NRXN3: variants seen among roughly 807,000 people sequenced by gnomAD.
NRXN3 encodes the protein neurexin 3, also known as neurexin III.
A neutral mutation model predicts 137.6 loss-of-function variants in NRXN3; 32 were observed. That is an observed-to-expected ratio of 0.23 (90% CI 0.18 to 0.31). The LOEUF is 0.31. Among genes scored for constraint, NRXN3 ranks in the 10% least tolerant of loss-of-function variants. NRXN3 has a pLI of 1.00. For synonymous variants in NRXN3, 798 were observed against 784.5 expected, an observed-to-expected ratio of 1.02 and a Z score of -0.29; for missense variants, 1,574 against 2,062.5, an observed-to-expected ratio of 0.76 and a Z score of 4.59.
chr14:79,447,589 C>T (rs1259102470), intron 15 of NRXN3, among the ~76,000 whole-genome samples: 1 of 152,218 alleles, frequency 6.6e-6, no homozygotes, highest in Non-Finnish European at 1.5e-5. Context: ...TAGGAAGGAC[C>T]TGCCAACATC....
At chr14:78,621,681 G>A (rs552445806) in intron 4 of NRXN3, among the ~76,000 whole-genome samples, 1 of 152,222 alleles carries the variant, frequency 6.6e-6, no homozygotes, top group South Asian at 2.1e-4. Flanking sequence ...CCATTAAATT[G>A]TACATAAGTA....
intron 6 of NRXN3, among the ~76,000 whole-genome samples, chr14:78,686,352 G>A (rs896159748): frequency 6.6e-6 from 1 of 152,062 alleles, no homozygotes; most frequent in Non-Finnish European, 1.5e-5. Context: ...GTTCTTTATT[G>A]GAACAAAAGA....
chr14:79,258,108 C>T (rs1295620825), intron 15 of NRXN3, among the ~76,000 whole-genome samples: 1 of 152,126 alleles, frequency 6.6e-6, no homozygotes, highest in Non-Finnish European at 1.5e-5. Context: ...AGAATTTCCC[C>T]ACCAGTTCAA....
chr14:78,243,545 G>A lies in NRXN3; in HGVS notation c.452G>A (p.Gly151Glu). ...GTGGTCAGTGACTTGTTCCTTGGTGGAGTCCCTACTGACATACGACCTTCT... is the reference window on the plus strand; with the variant it reads ...GTGGTCAGTGACTTGTTCCTTGGTGAAGTCCCTACTGACATACGACCTTCT... ...MDVVSDLFLG[G>E]VPTDIRPSAL... The change falls in exon 2 of 21, where the codon GGA becomes GAA. Residue 151 changes from glycine (G) to glutamate (E), a missense_variant. Physicochemically the swap from Gly to Glu is moderately conservative, Grantham distance 98 (BLOSUM62 -2). Coordinates refer to ENST00000335750, the MANE Select transcript of NRXN3 (RefSeq NM_001330195.2). This position sits in a 1 kb window ranked among gnomAD's most constrained non-coding sequence, Gnocchi z 4.2. 1 of 1,597,840 alleles carries A rather than the reference G, an allele frequency of 6.3e-7. No homozygotes were observed. The highest frequency in any genetic ancestry group is 8.5e-7 in the Non-Finnish European group (1 of 1,179,522).
At chr14:79,699,503 A>G (rs2098747009) in intron 19 of NRXN3, among the ~76,000 whole-genome samples, 1 of 151,990 alleles carries the variant, frequency 6.6e-6, no homozygotes, top group African/African-American at 2.4e-5. Context: ...AGATGATTTA[A>G]TGTTACACGG....
intron 6 of NRXN3, among the ~76,000 whole-genome samples, chr14:78,694,178 C>T (rs1047132730): frequency 2.0e-5 from 3 of 151,958 alleles, no homozygotes; most frequent in African/African-American, 4.8e-5. Flanking sequence ...CTTTATCATG[C>T]AAATTGCTCA....
intron 4 of NRXN3, among the ~76,000 whole-genome samples, chr14:78,532,480 TTCA>T (rs2096481519): frequency 6.6e-6 from 1 of 151,690 alleles, no homozygotes; most frequent in Non-Finnish European, 1.5e-5. Context: ...TTTCCTTTTC[TTCA>T]GGTTTAGAGA....
At chr14:79,577,343 G>C (rs2097675048) in intron 16 of NRXN3, among the ~76,000 whole-genome samples, 2 of 152,118 alleles carry the variant, frequency 1.3e-5, no homozygotes, top group Non-Finnish European at 2.9e-5. Flanking sequence ...ACAATCTTTA[G>C]TATAATTAAG....
chr14:79,403,143 A>G (rs962041709), intron 15 of NRXN3, among the ~76,000 whole-genome samples: 4 of 152,122 alleles, frequency 2.6e-5, no homozygotes, highest in East Asian at 1.9e-4. Context: ...AGAGGCTCTA[A>G]TATCTGTCCC....
At chr14:79,244,288 A>T (rs2153354898) in intron 15 of NRXN3, among the ~76,000 whole-genome samples, 1 of 152,204 alleles carries the variant, frequency 6.6e-6, no homozygotes, top group East Asian at 1.9e-4. Flanking sequence ...ATGCTCCCTG[A>T]CATCTAAAAT....
At chr14:78,987,556 A>G (rs988650798) in intron 14 of NRXN3, among the ~76,000 whole-genome samples, 1 of 152,090 alleles carries the variant, frequency 6.6e-6, no homozygotes, top group African/African-American at 2.4e-5. Flanking sequence ...CATCATTATC[A>G]ATATCATTAA....
intron 10 of NRXN3, among the ~76,000 whole-genome samples, chr14:78,948,628 CTTTTTTTTT>C (rs201010514): frequency 0.04 from 4,346 of 108,870 alleles, 195 homozygotes; most frequent in African/African-American, 0.12. Flanking sequence ...ACACATTTAA[CTTTTTTTTT>C]TTTTTTTTTT....
intron 15 of NRXN3, among the ~76,000 whole-genome samples, chr14:79,169,561 G>A (rs946449316): frequency 2.6e-5 from 4 of 151,868 alleles, no homozygotes; most frequent in African/African-American, 4.8e-5. Flanking sequence ...TCTCACCTAG[G>A]TCCAGGCATG....
At chr14:79,326,309 G>A (rs1411656631) in intron 15 of NRXN3, among the ~76,000 whole-genome samples, 1 of 152,090 alleles carries the variant, frequency 6.6e-6, no homozygotes, top group African/African-American at 2.4e-5. Context: ...TGCTTACTGG[G>A]TGCCAACAAT....
intron 8 of NRXN3, among the ~76,000 whole-genome samples, chr14:78,791,039 T>G (rs1471305951): frequency 6.6e-6 from 1 of 152,206 alleles, no homozygotes; most frequent in Non-Finnish European, 1.5e-5. Context: ...AAGATGTAAA[T>G]GGTATCACTT....
At chr14:78,751,708 C>T (rs768049342) in intron 8 of NRXN3, among the ~76,000 whole-genome samples, 31 of 151,886 alleles carry the variant, frequency 2.0e-4, no homozygotes, top group African/African-American at 3.4e-4. Context: ...CTGGAGGGGA[C>T]GGAAGGGGGA....
chr14:78,225,962 T>TGTGG, intron 1 of NRXN3, among the ~76,000 whole-genome samples: 1 of 132,984 alleles, frequency 7.5e-6, no homozygotes, highest in Non-Finnish European at 1.6e-5. Flanking sequence ...GGTGTGTGTG[T>TGTGG]GTGTGTGTGT....
intron 15 of NRXN3, among the ~76,000 whole-genome samples, chr14:79,038,169 C>T (rs1158362266): frequency 2.0e-5 from 3 of 151,934 alleles, no homozygotes; most frequent in African/African-American, 7.3e-5. Flanking sequence ...ATACAGGGAA[C>T]ATTACTTACA....
intron 10 of NRXN3, among the ~76,000 whole-genome samples, chr14:78,950,868 A>G (rs2099385854): frequency 1.3e-5 from 2 of 152,202 alleles, no homozygotes; most frequent in Non-Finnish European, 2.9e-5. Flanking sequence ...GGAGAGACAC[A>G]ATACCAGAAG....
Sources: gnomAD v4.1 joint callset for allele counts (sites outside exome capture counted in the v4.1 genomes callset) on GRCh38, gnomAD v4.1.1 for gene constraint, Gnocchi (gnomAD v3.1) non-coding constraint, MANE v1.5 for transcripts, NCBI Gene and HGNC (gene_info 2026-07-23, HGNC 2026-07-21) for gene names.